Variants in SLC27A1 observed in about 807,000 individuals in gnomAD.
The protein encoded by SLC27A1 is solute carrier family 27 member 1.
In SLC27A1, 61 loss-of-function variants were observed where a neutral mutation model predicts 62.2. The observed-to-expected ratio is 0.98, with a 90% CI of 0.80 to 1.21. SLC27A1 has a LOEUF of 1.21. Among genes scored for constraint, SLC27A1 ranks in the 50% most tolerant of loss-of-function variants. The pLI is 0.00. For synonymous variants in SLC27A1, 435 were observed against 408.6 expected (o/e 1.06, Z -0.78); for missense variants, 903 against 932.1 (o/e 0.97, Z 0.41).
At chr19:17,490,292 C>T (rs1293682746) in intron 6 of SLC27A1, among the ~76,000 whole-genome samples, 2 of 152,036 alleles carry the variant, frequency 1.3e-5, no homozygotes, top group East Asian at 3.9e-4. Context: ...GCTGGGACTA[C>T]AGGTGCGCAC....
At chr19:17,498,567 G>A (rs1381690880) in intron 7 of SLC27A1, 4 of 171,878 alleles carry the variant, frequency 2.3e-5, no homozygotes, top group Non-Finnish European at 4.9e-5. Flanking sequence ...AGCCCCACAG[G>A]GTCGGTGGGT....
Position 17,486,417 on chromosome 19 carries a change from T to C in SLC27A1, c.168-146T>C. ...TAAATGGCCCTTGCCCTTGGTCCAC[T>C]GAGAGATCCAGCCACCAAAAGTTTC... On this transcript the variant is annotated intron_variant, in intron 1 of 11. Coordinates refer to ENST00000252595, the MANE Select transcript of SLC27A1 (RefSeq NM_198580.3). This position sits in a 1 kb window ranked among gnomAD's most constrained non-coding sequence, Gnocchi z 6.6. 1.0e-6 allele frequency: 1 copy of C among 978,090 alleles called. No homozygotes were observed. Among genetic ancestry groups the C allele is most frequent in the Non-Finnish European group, 1.5e-6 (1 of 684,508 alleles). The allele number at this position is 978,090 out of a possible 1,614,324, so 60.6% of individuals were successfully genotyped here.
chr19:17,469,181 C>T (rs1357511487), upstream of SLC27A1, among the ~76,000 whole-genome samples: 1 of 152,156 alleles, frequency 6.6e-6, no homozygotes, highest in East Asian at 1.9e-4. Flanking sequence ...GACGGTGAGA[C>T]TTAACCGACA....
intron 6 of SLC27A1, among the ~76,000 whole-genome samples, chr19:17,494,430 T>G (rs1340263160): frequency 6.6e-6 from 1 of 151,414 alleles, no homozygotes; most frequent in African/African-American, 2.4e-5. Context: ...TGGGTTCAGG[T>G]GATTCTCCTG....
intron 11 of SLC27A1, among the ~76,000 whole-genome samples, chr19:17,502,800 C>G (rs1406281822): frequency 6.6e-6 from 1 of 152,052 alleles, no homozygotes; most frequent in Admixed American, 6.6e-5. Flanking sequence ...ATCCTCCCAC[C>G]TCAGCCTCTG....
upstream of SLC27A1, chr19:17,470,354 A>G: frequency 1.6e-6 from 1 of 642,534 alleles, no homozygotes; most frequent in Non-Finnish European, 2.4e-6. Context: ...GCCTGGCCTG[A>G]GGAGTTGACC....
intron 6 of SLC27A1, among the ~76,000 whole-genome samples, chr19:17,493,271 A>ATG (rs2075313573): frequency 1.3e-5 from 2 of 150,546 alleles, no homozygotes; most frequent in African/African-American, 2.4e-5. Context: ...CCATCTCTAC[A>ATG]AAAACAATTA....
At chr19:17,487,652 C>T (rs1026508193) in intron 4 of SLC27A1, 123 bp downstream of exon 4, 2 of 936,628 alleles carry the variant, frequency 2.1e-6, no homozygotes, top group South Asian at 3.1e-5. Context: ...GAGAGGGCAG[C>T]TGGTGTTTCC....
intron 1 of SLC27A1, among the ~76,000 whole-genome samples, chr19:17,473,291 A>G: frequency 6.6e-6 from 1 of 152,248 alleles, no homozygotes; most frequent in Non-Finnish European, 1.5e-5. Flanking sequence ...TTGCAAACTC[A>G]TGTGAGGTTA....
chr19:17,482,415 G>A (rs2075187543), intron 1 of SLC27A1, among the ~76,000 whole-genome samples: 1 of 152,102 alleles, frequency 6.6e-6, no homozygotes, highest in African/African-American at 2.4e-5. Flanking sequence ...CACTTTGGGA[G>A]GCCGAGGCGG....
intron 1 of SLC27A1, among the ~76,000 whole-genome samples, chr19:17,473,220 T>C (rs2075093542): frequency 6.6e-6 from 1 of 152,156 alleles, no homozygotes; most frequent in Admixed American, 6.5e-5. Context: ...GCGCCCAGCG[T>C]GAACTGCTTT....
intron 1 of SLC27A1, among the ~76,000 whole-genome samples, chr19:17,482,784 C>G (rs966453373): frequency 2.0e-5 from 3 of 151,818 alleles, no homozygotes; most frequent in African/African-American, 7.3e-5. Flanking sequence ...AGAGTTCATG[C>G]TTCTGCAACT....
In SLC27A1 at chr19:17,486,676, C is replaced by T. The variant is rs774318111; in HGVS notation, c.281C>T (p.Ala94Val). Residue 94 changes from alanine (A) to valine (V), a missense_variant, in exon 2 of 12, where the codon GCG becomes GTG. Coordinates refer to ENST00000252595, the MANE Select transcript of SLC27A1 (RefSeq NM_198580.3). The surrounding 1 kb of genome is among the most constrained non-coding windows in gnomAD (Gnocchi z 6.6). ...GTGCAGCGACAGCCCGAGCGCCTGG[C>T]GCTGGTGGATGCCGGGACCGGCGAG... ...AVVQRQPERL[A>V]LVDAGTGECW... 2.5e-6 allele frequency: 4 copies of T among 1,610,392 alleles called. No individual in the cohort carries two copies. The highest frequency in any genetic ancestry group is 2.2e-5 in the South Asian group (2 of 91,026).
chr19:17,504,559 C>T lies in SLC27A1; in HGVS notation c.1888C>T (p.Pro630Ser). ...GGACCTGAAGCAGGGCCACTACCTG[C>T]CCTTAAATGAGGCAGTCTACACTCG... ...FLDLKQGHYL[P>S]LNEAVYTRIC... The change falls in exon 12 of 12, where the codon CCC becomes TCC. Residue 630 changes from proline to serine, a missense_variant. Pro to Ser is a moderately conservative substitution (Grantham distance 74). Coordinates refer to ENST00000252595, the MANE Select transcript of SLC27A1 (RefSeq NM_198580.3). 6.2e-7 allele frequency: 1 copy of T among 1,614,200 alleles called. No individual in the cohort carries two copies. Among genetic ancestry groups the T allele is most frequent in the Non-Finnish European group, 8.5e-7 (1 of 1,180,044 alleles).
At chr19:17,485,956 G>C (rs1004916571) in intron 1 of SLC27A1, among the ~76,000 whole-genome samples, 1 of 152,188 alleles carries the variant, frequency 6.6e-6, no homozygotes, top group African/African-American at 2.4e-5. Flanking sequence ...GCCTCTGCCC[G>C]TTATATCTAC....
At chr19:17,495,143 T>G (rs1391148348) in intron 6 of SLC27A1, among the ~76,000 whole-genome samples, 2 of 150,828 alleles carry the variant, frequency 1.3e-5, no homozygotes, top group Non-Finnish European at 3.0e-5. Context: ...TGGCAAAATT[T>G]TCTTGTATTT....
intron 6 of SLC27A1, chr19:17,491,256 C>G (rs1297059149): frequency 1.3e-5 from 2 of 151,930 alleles, no homozygotes; most frequent in African/African-American, 2.4e-5. Context: ...ATCACCATGT[C>G]TATCTAGATC....
chr19:17,472,209 A>G (rs2075083053), intron 1 of SLC27A1, among the ~76,000 whole-genome samples: 1 of 152,030 alleles, frequency 6.6e-6, no homozygotes, highest in Non-Finnish European at 1.5e-5. Flanking sequence ...CCTGGCTAAC[A>G]CGGTGAAACC....
chr19:17,479,643 CCTCTCT>C (rs3079220), intron 1 of SLC27A1, among the ~76,000 whole-genome samples: 1 of 151,236 alleles, frequency 6.6e-6, no homozygotes, highest in Non-Finnish European at 1.5e-5. Flanking sequence ...TTTCTTTCTC[CCTCTCT>C]CTCTCAATTT....
Sources: gnomAD v4.1 joint callset for allele counts (sites outside exome capture counted in the v4.1 genomes callset) on GRCh38, gnomAD v4.1.1 for gene constraint, Gnocchi (gnomAD v3.1) non-coding constraint, MANE v1.5 for transcripts, NCBI Gene and HGNC (gene_info 2026-07-23, HGNC 2026-07-21) for gene names.